The following CEP76 variants were observed in gnomAD, a reference collection of about 807,000 sequenced individuals.
The protein encoded by CEP76 is centrosomal protein of 76 kDa.
Under a neutral mutation model 83.3 loss-of-function variants are expected in CEP76, and 55 were observed. The observed-to-expected ratio is 0.66, with a 90% CI of 0.53 to 0.83. CEP76 has a LOEUF of 0.83. Ranked by LOEUF, CEP76 falls within the 40% of genes least tolerant of loss-of-function variation. CEP76 has a pLI of 0.00. For synonymous variants in CEP76, 270 were observed against 274.5 expected (o/e 0.98, Z 0.16); for missense variants, 694 against 799.5 (o/e 0.87, Z 1.59).
intron 6 of CEP76, among the ~76,000 whole-genome samples, chr18:12,694,657 C>A (rs1216436338): frequency 6.6e-6 from 1 of 152,106 alleles, no homozygotes; most frequent in Non-Finnish European, 1.5e-5. Context: ...AATCCCATCC[C>A]ACTGAGGTTG....
chr18:12,677,385 C>T lies in CEP76; in HGVS notation c.1623+724G>A, dbSNP rs546836487. Among the ~76,000 whole-genome samples, 4 of 141,242 alleles carry T rather than the reference C, an allele frequency of 2.8e-5. No individual in the cohort carries two copies. In the East Asian group the frequency reaches 8.3e-4, roughly 29 times the overall value. 92.7% of individuals were successfully genotyped at this position (141,242 alleles called of 152,430 possible). On this transcript the variant is annotated intron_variant, in intron 10 of 11. Transcript: ENST00000262127. ...CCTGGGAGGTAGAGGTTGCAGTGAA[C>T]CAAGATCACGCCACTGTGCCAAGAT...
chr18:12,667,627 G>A (rs1364077140), downstream of CEP76, among the ~76,000 whole-genome samples: 1 of 151,820 alleles, frequency 6.6e-6, no homozygotes, highest in East Asian at 1.9e-4. Flanking sequence ...CGGGCGTGGT[G>A]GCACGTGCCT....
Position 12,662,201 on chromosome 18 carries a change from A to AG in CEP76, c.*1728-33_*1728-32insC, listed in dbSNP as rs549934528. 1,109 of 447,098 alleles carry AG rather than the reference A, an allele frequency of 2.5e-3. 5 individuals carry two copies. The highest frequency in any genetic ancestry group is 3.9e-3 in the Non-Finnish European group (878 of 224,516). The allele number at this position is 447,098 out of a possible 1,614,324, so 27.7% of individuals were successfully genotyped here. On this transcript the variant is annotated intron_variant and NMD_transcript_variant, in intron 12 of 12. Transcript: ENST00000590143. ...AAGTGCACCAGAAAGGAAAAAAAAA[A>AG]AACAGCATATTTTTTAATGTTGTAA...
chr18:12,695,192 A>T, intron 6 of CEP76, 62 bp downstream of exon 6: 1 of 615,624 alleles, frequency 1.6e-6, no homozygotes, highest in Non-Finnish European at 2.7e-6. Flanking sequence ...TCTAGGATCA[A>T]CAGGTAAATA....
In CEP76 at chr18:12,678,246, T is replaced by C. The variant is rs903278909; in HGVS notation, c.1486A>G (p.Ile496Val). 9 of 1,614,062 alleles carry C rather than the reference T, an allele frequency of 5.6e-6. No homozygotes were observed. The highest frequency in any genetic ancestry group is 2.2e-5 in the East Asian group (1 of 44,898). ...GCTCCAGGAGCACACACAGATTTAA[T>C]TGCTTCCTCACTCATGGGTTTCCAT... ...SKWKPMSEEAIKSVCAPGATT... is the reference protein window; with the variant it reads ...SKWKPMSEEAVKSVCAPGATT... Residue 496 changes from isoleucine to valine, a missense_variant, in exon 10 of 12, where the codon ATT (isoleucine) becomes GTT (valine). Transcript: ENST00000262127.
chr18:12,702,750 T>A, upstream of CEP76: 1 of 605,542 alleles, frequency 1.7e-6, no homozygotes, highest in South Asian at 2.1e-5. Context: ...CGGCGCCAAC[T>A]GTTTTCAAAC....
chr18:12,701,535 A>G (rs748194499), intron 1 of CEP76, among the ~76,000 whole-genome samples: 6 of 152,128 alleles, frequency 3.9e-5, no homozygotes, highest in Admixed American at 1.3e-4. Context: ...TTCGTCACCG[A>G]TAAGAATGGA....
chr18:12,677,275 AC>A (rs1267841856), intron 10 of CEP76, among the ~76,000 whole-genome samples: 4 of 151,956 alleles, frequency 2.6e-5, no homozygotes, highest in South Asian at 2.1e-4. Flanking sequence ...CCCTATCTCT[AC>A]AAAAAATACA....
At chr18:12,663,143 T>C (rs114536273) in intron 12 of CEP76, among the ~76,000 whole-genome samples, 4,551 of 152,304 alleles carry the variant, frequency 0.03, 239 homozygotes, top group African/African-American at 0.1. Flanking sequence ...ATAATTCAAA[T>C]ACATTTCCTA....
chr18:12,678,272 T>A lies in CEP76; in HGVS notation c.1460A>T (p.Lys487Ile). The A allele has an allele frequency of 6.2e-7, 1 of 1,614,114 alleles. No homozygotes were observed. The highest frequency in any genetic ancestry group is 8.5e-7 in the Non-Finnish European group (1 of 1,180,026). Reference protein sequence around the residue: ...TCVFDLNDESKWKPMSEEAIK... With the variant: ...TCVFDLNDESIWKPMSEEAIK... ...TGCTTCCTCACTCATGGGTTTCCAT[T>A]TGGATTCATCGTTCAAATCAAATAC... The change falls in exon 10 of 12, where the codon AAA (lysine) becomes ATA (isoleucine). Residue 487 changes from lysine to isoleucine, a missense_variant. By Grantham distance (102) the Lys-to-Ile change is moderately radical (BLOSUM62 -3). Coordinates refer to ENST00000262127, the MANE Select transcript of CEP76 (RefSeq NM_024899.4).
At chr18:12,679,282 C>CTG (rs2039260679) in intron 9 of CEP76, 2 of 152,314 alleles carry the variant, frequency 1.3e-5, no homozygotes, top group South Asian at 4.1e-4. Context: ...AGCCTGTGCA[C>CTG]TGGGAGGAGT....
chr18:12,681,827 C>A (rs1271812048), intron 8 of CEP76, among the ~76,000 whole-genome samples: 1 of 151,500 alleles, frequency 6.6e-6, no homozygotes, highest in African/African-American at 2.4e-5. Context: ...TTATAAAGAC[C>A]TATAAAAAAA....
At chr18:12,664,623 G>T (rs556132884) in intron 12 of CEP76, among the ~76,000 whole-genome samples, 1 of 152,140 alleles carries the variant, frequency 6.6e-6, no homozygotes, top group African/African-American at 2.4e-5. Flanking sequence ...GGGCTCAAGG[G>T]ATCCTCCCGC....
chr18:12,684,338 C>T (rs747555605), intron 8 of CEP76: 2 of 151,992 alleles, frequency 1.3e-5, no homozygotes, highest in Admixed American at 6.6e-5. Context: ...TTGTCTGGAA[C>T]TTCTGGGCTC....
At chr18:12,690,379 G>C (rs1015485717) in intron 7 of CEP76, among the ~76,000 whole-genome samples, 4 of 152,032 alleles carry the variant, frequency 2.6e-5, no homozygotes, top group African/African-American at 4.8e-5. Context: ...GAAAGCATCT[G>C]TATGAGGCTG....
chr18:12,676,815 G>T (rs904648708), intron 10 of CEP76, among the ~76,000 whole-genome samples: 1 of 152,092 alleles, frequency 6.6e-6, no homozygotes, highest in Non-Finnish European at 1.5e-5. Flanking sequence ...AATATTTAGA[G>T]GCCAAAGCTA....
At chr18:12,678,946 A>C (rs561717528) in intron 9 of CEP76, 1 of 152,254 alleles carries the variant, frequency 6.6e-6, no homozygotes, top group East Asian at 1.9e-4. Context: ...TCTCCAAGAA[A>C]AAAAAATAAA....
At chr18:12,698,910 A>G in intron 4 of CEP76, 69 bp downstream of exon 4, 3 of 1,124,736 alleles carry the variant, frequency 2.7e-6, no homozygotes, top group Non-Finnish European at 3.8e-6. Context: ...AAAAGTCATT[A>G]TTATTGTTTC....
At chr18:12,671,100 A>G (rs1191814228), downstream of CEP76, 2 of 150,374 alleles carry the variant, frequency 1.3e-5, no homozygotes, top group Non-Finnish European at 3.0e-5. Context: ...CATAAAAATA[A>G]AACAAAGTAG....
Sources: allele counts gnomAD v4.1 joint callset (sites outside exome capture counted in the v4.1 genomes callset), GRCh38; gene constraint gnomAD v4.1.1; transcripts MANE v1.5; gene names NCBI Gene and HGNC (gene_info 2026-07-23, HGNC 2026-07-21).